The following VIPR2 variants were observed in gnomAD, a reference collection of about 807,000 sequenced individuals.
The protein encoded by VIPR2 is vasoactive intestinal polypeptide receptor 2.
VIPR2 carries 48 observed loss-of-function variants against 58.0 expected under a neutral mutation model. That is an observed-to-expected ratio of 0.83 (90% CI 0.66 to 1.05). The LOEUF is 1.05. VIPR2 is among the 50% of genes least tolerant of loss of function. The probability of loss-of-function intolerance (pLI) is 0.00; values close to 1 mark genes in which losing one functional copy is unlikely to be tolerated. For missense variants in VIPR2, 534 were observed against 558.0 expected (o/e 0.96, Z 0.43); for synonymous variants, 243 against 235.2 (o/e 1.03, Z -0.30).
intron 5 of VIPR2, among the ~76,000 whole-genome samples, chr7:159,048,044 TA>T (rs1854757951): frequency 1.3e-5 from 2 of 152,202 alleles, no homozygotes; most frequent in South Asian, 4.1e-4. Flanking sequence ...ATATAAATCA[TA>T]ACTAATGATT....
At chr7:159,132,909 CAT>C in intron 2 of VIPR2, among the ~76,000 whole-genome samples, 3 of 138,180 alleles carry the variant, frequency 2.2e-5, no homozygotes, top group Admixed American at 7.4e-5. Context: ...GAATGATTGG[CAT>C]ACAGATTGAT....
intron 4 of VIPR2, among the ~76,000 whole-genome samples, chr7:159,070,935 G>C (rs1477602814): frequency 1.3e-5 from 2 of 152,228 alleles, no homozygotes; most frequent in Admixed American, 1.3e-4. Flanking sequence ...AACCTCAGCA[G>C]CGTGGCCCAG....
intron 4 of VIPR2, among the ~76,000 whole-genome samples, chr7:159,090,569 T>C (rs1418058515): frequency 7.7e-4 from 77 of 100,508 alleles, no homozygotes; most frequent in Non-Finnish European, 1.2e-3. Flanking sequence ...GGGCCACCTC[T>C]TGTGACCATC....
intron 2 of VIPR2, among the ~76,000 whole-genome samples, chr7:159,118,465 G>C (rs1163787286): frequency 6.6e-6 from 1 of 152,206 alleles, no homozygotes; most frequent in African/African-American, 2.4e-5. Flanking sequence ...CGGGAGAACA[G>C]CGTGCTCAGC....
chr7:159,101,972 C>T (rs540774285), intron 4 of VIPR2, among the ~76,000 whole-genome samples: 2 of 147,406 alleles, frequency 1.4e-5, no homozygotes, highest in Admixed American at 6.8e-5. Flanking sequence ...GAGGTGGTTC[C>T]GACTGTTCCT....
In VIPR2 at chr7:159,030,581, G is replaced by A; in HGVS notation, c.*35C>T. Reference sequence around the variant, plus strand: ...CAGCCCCGCAGAAGCCCCGAACCGTGGGCCTCCCGCCGCGTCCGACAGGCA... The same window carrying A: ...CAGCCCCGCAGAAGCCCCGAACCGTAGGCCTCCCGCCGCGTCCGACAGGCA... On this transcript the variant is annotated 3_prime_UTR_variant, in exon 13 of 13. Coordinates refer to ENST00000262178, the MANE Select transcript of VIPR2 (RefSeq NM_003382.5). 1 of 1,499,828 alleles carries A rather than the reference G, an allele frequency of 6.7e-7. No individual in the cohort carries two copies. Among genetic ancestry groups the A allele is most frequent in the Non-Finnish European group, 8.9e-7 (1 of 1,121,158 alleles). The allele number at this position is 1,499,828 out of a possible 1,614,324, so 92.9% of individuals were successfully genotyped here. A position where few individuals can be genotyped will look rare whatever the true frequency, so the allele number is the denominator to read the frequency against.
chr7:159,109,941 G>T, intron 2 of VIPR2, 22 bp from the exon 3 acceptor site: 1 of 1,610,354 alleles, frequency 6.2e-7, no homozygotes, highest in Non-Finnish European at 8.5e-7. Flanking sequence ...GAAGCAGAGT[G>T]AGGCAGGTGC....
chr7:159,084,070 T>A (rs1857046903), intron 4 of VIPR2, among the ~76,000 whole-genome samples: 1 of 152,244 alleles, frequency 6.6e-6, no homozygotes, highest in South Asian at 2.1e-4. Context: ...CCAGACCCTT[T>A]GTGTAATGAT....
chr7:159,142,734 T>C (rs1277699649), intron 1 of VIPR2, among the ~76,000 whole-genome samples, 189 bp from the exon 2 acceptor site: 3 of 151,240 alleles, frequency 2.0e-5, no homozygotes, highest in Admixed American at 1.3e-4. Context: ...TTTGTAAAGG[T>C]ATTATAAAAC....
intron 2 of VIPR2, among the ~76,000 whole-genome samples, chr7:159,118,881 G>C (rs987758981): frequency 6.6e-6 from 1 of 152,202 alleles, no homozygotes; most frequent in Admixed American, 6.5e-5. Context: ...CCGAGGCCTG[G>C]GTGTGCGGCA....
At chr7:159,045,684 C>G (rs1450951334) in intron 5 of VIPR2, among the ~76,000 whole-genome samples, 9 of 152,122 alleles carry the variant, frequency 5.9e-5, no homozygotes, top group African/African-American at 1.2e-4. Context: ...CTTGTGGTGT[C>G]AGCCACAAGT....
intron 10 of VIPR2, among the ~76,000 whole-genome samples, chr7:159,032,743 C>G (rs906202626): frequency 3.3e-5 from 5 of 152,104 alleles, no homozygotes; most frequent in Non-Finnish European, 4.4e-5. Context: ...GGAAAGGGAA[C>G]AGATTTTGTT....
rs577347214 is a variant in VIPR2 at position 159,098,103 on chromosome 7, G to A, written c.357+5654C>T. On this transcript the variant is annotated intron_variant, in intron 4 of 12. Coordinates refer to ENST00000262178, the MANE Select transcript of VIPR2 (RefSeq NM_003382.5). This position sits in a 1 kb window ranked among gnomAD's most constrained non-coding sequence, Gnocchi z 5.2. ...GCCTCACACCAGCCCGGCCACTGCC[G>A]CTCCCGTCCTCTGCCTGAGCTGTTC... Among the ~76,000 whole-genome samples the A allele has an allele frequency of 7.9e-5, 12 of 152,282 alleles. No homozygotes were observed. Among genetic ancestry groups the A allele is most frequent in the Admixed American group, 4.6e-4 (7 of 15,300 alleles).
rs1465227 is a variant in VIPR2, at chr7:159,029,334, G to A, written c.*1282C>T. ...GGCCAGGGCTTGGCACACACATGGA[G>A]ACTGTGCCCTGATATCCCCACCCTT... is the stretch of plus-strand genomic sequence containing the variant. On this transcript the variant is annotated 3_prime_UTR_variant, in exon 13 of 13. Coordinates refer to ENST00000262178, the MANE Select transcript of VIPR2 (RefSeq NM_003382.5). 6,777 of 152,316 alleles carry A rather than the reference G, an allele frequency of 0.044. 356 individuals carry two copies. Among genetic ancestry groups the A allele is most frequent in the East Asian group, 0.15 (774 of 5,152 alleles). 9.4% of individuals were successfully genotyped at this position (152,316 alleles called of 1,614,324 possible). A position where few individuals can be genotyped will look rare whatever the true frequency, so the allele number is the denominator to read the frequency against.
intron 3 of VIPR2, among the ~76,000 whole-genome samples, chr7:159,106,407 ACCAGGGAGGGGCAGAGAGAGG>A (rs1342243278): frequency 6.6e-6 from 1 of 151,398 alleles, no homozygotes; most frequent in Non-Finnish European, 1.5e-5. Context: ...GTACAGAGAG[ACCAGGGAGGGGCAGAGAGAGG>A]CCAGGGAGGG....
chr7:159,040,969 A>C (rs1422260303), intron 6 of VIPR2, among the ~76,000 whole-genome samples: 1 of 152,052 alleles, frequency 6.6e-6, no homozygotes, highest in Admixed American at 6.5e-5. Flanking sequence ...ATCTGGCACA[A>C]GGGGCAAAGC....
chr7:159,092,786 G>C (rs1429706360), intron 4 of VIPR2, among the ~76,000 whole-genome samples: 1 of 151,932 alleles, frequency 6.6e-6, no homozygotes, highest in South Asian at 2.1e-4. Flanking sequence ...GCCAGAGGGA[G>C]GTGGTCGGTG....
chr7:159,082,584 G>A (rs754320886), intron 4 of VIPR2, among the ~76,000 whole-genome samples: 8 of 152,126 alleles, frequency 5.3e-5, no homozygotes, highest in Non-Finnish European at 1.2e-4. Context: ...AAACCTGCAC[G>A]TTGTGCACAT....
At chr7:159,041,929 A>C (rs1183020904) in intron 6 of VIPR2, among the ~76,000 whole-genome samples, 1 of 152,150 alleles carries the variant, frequency 6.6e-6, no homozygotes, top group Non-Finnish European at 1.5e-5. Flanking sequence ...AGACCCTATT[A>C]CTAGGACAGG....
Sources: gnomAD v4.1 joint callset for allele counts (sites outside exome capture counted in the v4.1 genomes callset) on GRCh38, gnomAD v4.1.1 for gene constraint, Gnocchi (gnomAD v3.1) non-coding constraint, MANE v1.5 for transcripts, NCBI Gene and HGNC (gene_info 2026-07-23, HGNC 2026-07-21) for gene names.